Variants in GARNL3 observed in about 807,000 individuals in gnomAD.
GARNL3 encodes GTPase-activating Rap/Ran-GAP domain-like protein 3.
Under a neutral mutation model 125.0 loss-of-function variants are expected in GARNL3, and 63 were observed. The observed-to-expected ratio is 0.50, with a 90% CI of 0.41 to 0.62. GARNL3 has a LOEUF of 0.62. Among genes scored for constraint, GARNL3 ranks in the 20% least tolerant of loss-of-function variants. The pLI is 0.00. For missense variants in GARNL3, 994 were observed against 1,244.0 expected, an observed-to-expected ratio of 0.80 and a Z score of 3.02; for synonymous variants, 439 against 457.5, an observed-to-expected ratio of 0.96 and a Z score of 0.52.
chr9:127,357,331 A>G lies in GARNL3; in HGVS notation c.2048A>G (p.Glu683Gly). Residue 683 changes from glutamate (E) to glycine (G), a missense_variant, in exon 21 of 28, where the codon GAG (glutamate) becomes GGG (glycine). Coordinates refer to ENST00000373387, the MANE Select transcript of GARNL3 (RefSeq NM_032293.5). Reference sequence around the variant, plus strand: ...CGACACCAATTTGATGTGGTGAATGAGAGCACAGGAGAAGCCTTCAGGCTG... The same window carrying G: ...CGACACCAATTTGATGTGGTGAATGGGAGCACAGGAGAAGCCTTCAGGCTG... ...AYRHQFDVVN[E>G]STGEAFRLHH... The G allele has an allele frequency of 6.2e-7, 1 of 1,614,194 alleles. No individual in the cohort carries two copies. The highest frequency in any genetic ancestry group is 2.2e-5 in the East Asian group (1 of 44,884).
At chr9:127,354,129 G>C (rs1018189484) in intron 18 of GARNL3, among the ~76,000 whole-genome samples, 165 bp from the exon 19 acceptor site, 4 of 152,184 alleles carry the variant, frequency 2.6e-5, no homozygotes, top group South Asian at 2.1e-4. Context: ...TTGGGGGAAA[G>C]GGGTGCATAC....
chr9:127,373,534 G>T (rs1831718801), intron 22 of GARNL3, among the ~76,000 whole-genome samples: 1 of 152,168 alleles, frequency 6.6e-6, no homozygotes, highest in East Asian at 1.9e-4. Flanking sequence ...GGAGGCTGAG[G>T]CAGGAGGATC....
intron 17 of GARNL3, among the ~76,000 whole-genome samples, chr9:127,351,810 T>C (rs1172222558): frequency 6.6e-6 from 1 of 152,248 alleles, no homozygotes; most frequent in African/African-American, 2.4e-5. Context: ...TGTTTTGGTT[T>C]TGCAGTAACA....
chr9:127,389,162 C>T lies in GARNL3; in HGVS notation c.2743+43C>T, dbSNP rs747117735. The T allele has an allele frequency of 5.8e-6, 8 of 1,387,110 alleles. No homozygotes were observed. The South Asian group carries it at 7.1e-5, about 12-fold the overall frequency. The allele number at this position is 1,387,110 out of a possible 1,614,324, so 85.9% of individuals were successfully genotyped here. On this transcript the variant is annotated intron_variant, in intron 26 of 27. Coordinates refer to ENST00000373387, the MANE Select transcript of GARNL3 (RefSeq NM_032293.5). Reference sequence around the variant, plus strand: ...TGGTTTCCACTGTCTGTGAACAGACCAGCTGGTTTTATCTTTGGATATGAA... The same window carrying T: ...TGGTTTCCACTGTCTGTGAACAGACTAGCTGGTTTTATCTTTGGATATGAA...
chr9:127,344,129 G>T (rs1830012438), intron 14 of GARNL3, 106 bp from the exon 15 acceptor site: 2 of 759,362 alleles, frequency 2.6e-6, no homozygotes, highest in Non-Finnish European at 2.2e-6. Flanking sequence ...TGAAACAGAA[G>T]GTAGAAATAG....
chr9:127,391,358 A>G (rs1832826264), intron 27 of GARNL3, among the ~76,000 whole-genome samples: 1 of 144,912 alleles, frequency 6.9e-6, no homozygotes, highest in Admixed American at 6.9e-5. Flanking sequence ...AGAGAGAGAG[A>G]GACTTTTTCC....
intron 13 of GARNL3, among the ~76,000 whole-genome samples, chr9:127,341,722 G>C (rs998387193): frequency 6.6e-6 from 1 of 152,200 alleles, no homozygotes; most frequent in African/African-American, 2.4e-5. Flanking sequence ...CTTATAAGTG[G>C]AGCCAGTCAA....
intron 17 of GARNL3, among the ~76,000 whole-genome samples, chr9:127,352,921 T>C (rs1830488405): frequency 6.6e-6 from 1 of 152,200 alleles, no homozygotes; most frequent in Non-Finnish European, 1.5e-5. Context: ...AGCCAGCCAC[T>C]TCTCCTGCCC....
chr9:127,312,016 C>T (rs533572952), intron 3 of GARNL3, among the ~76,000 whole-genome samples: 64 of 152,204 alleles, frequency 4.2e-4, no homozygotes, highest in Admixed American at 9.2e-4. Flanking sequence ...AGAGATAAGA[C>T]GAATTTTCCA....
intron 1 of GARNL3, among the ~76,000 whole-genome samples, chr9:127,232,038 A>G (rs1339494029): frequency 1.3e-5 from 2 of 152,166 alleles, no homozygotes; most frequent in Non-Finnish European, 2.9e-5. Flanking sequence ...TGTTTCTTAC[A>G]TCTAAGGTCC....
In GARNL3 at chr9:127,314,934, A is replaced by C. The variant is rs75772471; in HGVS notation, c.438+1375A>C. On this transcript the variant is annotated intron_variant, in intron 4 of 27. Transcript: ENST00000373387. ...CCAGTCATTTGACGAGTAGAAGGGG[A>C]ATCAGAGAGTGTTCCAGGTAGAAGG... Among the ~76,000 whole-genome samples, 1,176 of 152,234 alleles carry C rather than the reference A, an allele frequency of 7.7e-3. 6 individuals are homozygous for C. Among genetic ancestry groups the C allele is most frequent in the Middle Eastern group, 0.024 (7 of 294 alleles).
intron 2 of GARNL3, among the ~76,000 whole-genome samples, chr9:127,297,690 G>A (rs1181660899): frequency 6.6e-6 from 1 of 152,138 alleles, no homozygotes; most frequent in Non-Finnish European, 1.5e-5. Context: ...GCTCCACCAG[G>A]TAATTCTATT....
chr9:127,391,533 A>AAAAAAAAAAAAAAATATAT, intron 27 of GARNL3, among the ~76,000 whole-genome samples: 1 of 75,848 alleles, frequency 1.3e-5, no homozygotes. Context: ...ACAAAAAAAA[A>AAAAAAAAAAAAAAATATAT]ATATATATAT....
At chr9:127,258,601 T>C (rs992360512) in intron 2 of GARNL3, among the ~76,000 whole-genome samples, 2 of 152,164 alleles carry the variant, frequency 1.3e-5, no homozygotes, top group African/African-American at 4.8e-5. Context: ...ATGCTGCCAC[T>C]GCACTCCATC....
At chr9:127,281,112 G>T (rs1406492905) in intron 1 of GARNL3, among the ~76,000 whole-genome samples, 1 of 152,094 alleles carries the variant, frequency 6.6e-6, no homozygotes, top group East Asian at 1.9e-4. Flanking sequence ...CCAGATATGT[G>T]GGGTGGTAAG....
intron 22 of GARNL3, among the ~76,000 whole-genome samples, chr9:127,374,699 C>CG (rs1163231022): frequency 3.3e-5 from 5 of 151,946 alleles, no homozygotes; most frequent in Non-Finnish European, 5.9e-5. Flanking sequence ...TGAGGTAGTC[C>CG]ATCAGAGAAG....
intron 4 of GARNL3, among the ~76,000 whole-genome samples, chr9:127,313,867 T>C (rs1474745347): frequency 6.6e-6 from 1 of 152,218 alleles, no homozygotes; most frequent in Non-Finnish European, 1.5e-5. Flanking sequence ...GAATCAAGCC[T>C]TTACAATTTT....
At chr9:127,258,973 G>T (rs1055162956), upstream of GARNL3, among the ~76,000 whole-genome samples, 3 of 152,178 alleles carry the variant, frequency 2.0e-5, no homozygotes, top group African/African-American at 4.8e-5. Flanking sequence ...TACTGGTCTA[G>T]GAAGAGTCTC....
intron 21 of GARNL3, among the ~76,000 whole-genome samples, chr9:127,359,357 G>T (rs1393246183): frequency 6.6e-6 from 1 of 152,210 alleles, no homozygotes; most frequent in Non-Finnish European, 1.5e-5. Flanking sequence ...GGGTCTGGTG[G>T]CACACGCCTG....
Sources: allele counts gnomAD v4.1 joint callset (sites outside exome capture counted in the v4.1 genomes callset), GRCh38; gene constraint gnomAD v4.1.1; transcripts MANE v1.5; gene names NCBI Gene and HGNC (gene_info 2026-07-23, HGNC 2026-07-21).